Variants in LUZP2 observed in about 807,000 individuals in gnomAD.
LUZP2 encodes leucine zipper protein 2.
LUZP2 carries 52 observed loss-of-function variants against 51.6 expected under a neutral mutation model. The observed-to-expected ratio is 1.01, with a 90% CI of 0.81 to 1.27. The LOEUF (loss-of-function observed/expected upper bound fraction) is 1.27, where lower values mean the gene tolerates loss of function less well. LUZP2 is among the 50% of genes most tolerant of loss of function. The pLI is 0.00. For synonymous variants in LUZP2, 154 were observed against 137.3 expected, an observed-to-expected ratio of 1.12 and a Z score of -0.85; for missense variants, 436 against 395.4, an observed-to-expected ratio of 1.10 and a Z score of -0.87.
At chr11:24,536,176 A>G (rs1851172249) in intron 1 of LUZP2, among the ~76,000 whole-genome samples, 1 of 151,770 alleles carries the variant, frequency 6.6e-6, no homozygotes, top group African/African-American at 2.4e-5. Context: ...ATGCCGGCAG[A>G]GTAGATTTAG....
chr11:24,899,418 T>TA (rs920581014), intron 5 of LUZP2, among the ~76,000 whole-genome samples: 37 of 147,434 alleles, frequency 2.5e-4, no homozygotes, highest in South Asian at 2.2e-3. Flanking sequence ...AACAAGAAGG[T>TA]AAAAAAAAAA....
chr11:24,600,630 T>A (rs1035586337), intron 1 of LUZP2, among the ~76,000 whole-genome samples: 4 of 152,086 alleles, frequency 2.6e-5, no homozygotes, highest in African/African-American at 9.7e-5. Context: ...TAACTAAAAC[T>A]TAGCTCACTT....
intron 9 of LUZP2, among the ~76,000 whole-genome samples, chr11:24,998,191 A>G (rs1856566123): frequency 6.6e-6 from 1 of 152,114 alleles, no homozygotes; most frequent in East Asian, 1.9e-4. Flanking sequence ...ATGGCATTGA[A>G]TCTGTAAATT....
intron 6 of LUZP2, 89 bp from the exon 7 acceptor site, chr11:24,914,387 T>G: frequency 1.0e-6 from 1 of 973,368 alleles, no homozygotes; most frequent in Non-Finnish European, 1.6e-6. Context: ...GGCTGCAAAA[T>G]GTATTCCTGT....
chr11:24,866,690 A>G (rs891113015), intron 5 of LUZP2, among the ~76,000 whole-genome samples: 6 of 152,252 alleles, frequency 3.9e-5, no homozygotes, highest in African/African-American at 1.4e-4. Context: ...TTGTCTGCCA[A>G]CATAGTAGGT....
rs540934132 is a variant in LUZP2 at position 24,518,575 on chromosome 11, T to A, written c.62+21270T>A. Among the ~76,000 whole-genome samples the A allele has an allele frequency of 3.3e-5, 5 of 152,340 alleles. No homozygotes were observed. The South Asian group carries it at 1.0e-3, about 32-fold the overall frequency. On this transcript the variant is annotated intron_variant, in intron 1 of 11. Coordinates refer to ENST00000336930, the MANE Select transcript of LUZP2 (RefSeq NM_001009909.4). ...GTGTCCTTAGTCCATAAATAGTTTT[T>A]AGAATGTTAAGATGATAACTGAAAT...
At chr11:25,061,645 A>G (rs1460566652) in intron 10 of LUZP2, among the ~76,000 whole-genome samples, 1 of 152,096 alleles carries the variant, frequency 6.6e-6, no homozygotes, top group East Asian at 1.9e-4. Context: ...TGAGATGATG[A>G]AGGTATTTGG....
At chr11:24,669,526 A>G (rs919307137) in intron 1 of LUZP2, among the ~76,000 whole-genome samples, 3 of 152,104 alleles carry the variant, frequency 2.0e-5, no homozygotes, top group Non-Finnish European at 2.9e-5. Flanking sequence ...GAAACTGCCA[A>G]TGAATCTTTT....
At chr11:25,009,221 C>A (rs2133955295) in intron 9 of LUZP2, among the ~76,000 whole-genome samples, 1 of 152,232 alleles carries the variant, frequency 6.6e-6, no homozygotes, top group Non-Finnish European at 1.5e-5. Flanking sequence ...CATCATAATT[C>A]ATTTGTTTAT....
chr11:24,775,550 C>T (rs567818013), intron 5 of LUZP2, among the ~76,000 whole-genome samples: 1 of 152,242 alleles, frequency 6.6e-6, no homozygotes, highest in East Asian at 1.9e-4. Flanking sequence ...CTTAGTATTC[C>T]AGAGGTAAGT....
chr11:24,619,360 C>A (rs1408765863), intron 1 of LUZP2, among the ~76,000 whole-genome samples: 2 of 152,064 alleles, frequency 1.3e-5, no homozygotes, highest in African/African-American at 2.4e-5. Context: ...AATCAGATTT[C>A]TTTTACATAC....
At chr11:24,965,202 C>T (rs1052308830) in intron 7 of LUZP2, among the ~76,000 whole-genome samples, 10 of 150,096 alleles carry the variant, frequency 6.7e-5, no homozygotes, top group South Asian at 2.1e-4. Context: ...TTCCTCTCTG[C>T]ATAATTTTCA....
intron 7 of LUZP2, among the ~76,000 whole-genome samples, chr11:24,936,292 A>G (rs966323680): frequency 6.6e-6 from 1 of 152,204 alleles, no homozygotes; most frequent in Admixed American, 6.5e-5. Flanking sequence ...ATACTTGTAC[A>G]TATTTTTTAA....
intron 1 of LUZP2, among the ~76,000 whole-genome samples, chr11:24,595,304 A>T (rs769767486): frequency 1.3e-5 from 2 of 152,076 alleles, no homozygotes; most frequent in Non-Finnish European, 2.9e-5. Flanking sequence ...ACAGATCCGG[A>T]TACCCTCTAA....
At chr11:24,602,140 A>ATG (rs1324637104) in intron 1 of LUZP2, among the ~76,000 whole-genome samples, 25 of 78,614 alleles carry the variant, frequency 3.2e-4, no homozygotes, top group African/African-American at 1.5e-3. Flanking sequence ...ATGTGTATAT[A>ATG]TGTATATATG....
intron 9 of LUZP2, among the ~76,000 whole-genome samples, chr11:25,027,480 T>C (rs1857525200): frequency 6.6e-6 from 1 of 152,310 alleles, no homozygotes; most frequent in East Asian, 1.9e-4. Context: ...TTTTTATTTT[T>C]AGTCTATATA....
chr11:24,592,609 A>T (rs1170226510), intron 1 of LUZP2, among the ~76,000 whole-genome samples: 1 of 151,996 alleles, frequency 6.6e-6, no homozygotes, highest in African/African-American at 2.4e-5. Context: ...TAGTCTTCTG[A>T]ATGCTGAACC....
intron 9 of LUZP2, among the ~76,000 whole-genome samples, chr11:25,040,598 C>G (rs1858024507): frequency 6.6e-6 from 1 of 152,082 alleles, no homozygotes; most frequent in South Asian, 2.1e-4. Flanking sequence ...ACCTCTCAGT[C>G]TGTTTTTTCA....
intron 7 of LUZP2, among the ~76,000 whole-genome samples, chr11:24,932,624 T>C (rs185534078): frequency 2.0e-4 from 31 of 152,184 alleles, no homozygotes; most frequent in Admixed American, 1.2e-3. Context: ...CGCACACAGC[T>C]CAAAAGGCTG....
Sources: allele counts gnomAD v4.1 joint callset (sites outside exome capture counted in the v4.1 genomes callset), GRCh38; gene constraint gnomAD v4.1.1; transcripts MANE v1.5; gene names NCBI Gene and HGNC (gene_info 2026-07-23, HGNC 2026-07-21).